Variants in ANKRD46 observed in about 807,000 individuals in gnomAD.
ANKRD46 encodes ankyrin repeat domain-containing protein 46.
Under a neutral mutation model 19.8 loss-of-function variants are expected in ANKRD46, and 13 were observed. That is an observed-to-expected ratio of 0.66 (90% CI 0.43 to 1.04). The LOEUF is 1.04. Ranked by LOEUF, ANKRD46 falls within the 50% of genes least tolerant of loss-of-function variation. ANKRD46 has a pLI of 0.00. For missense variants in ANKRD46, 185 were observed against 274.8 expected, an observed-to-expected ratio of 0.67 and a Z score of 2.31; for synonymous variants, 91 against 106.9, an observed-to-expected ratio of 0.85 and a Z score of 0.92.
rs1238710047 is a variant in ANKRD46 at position 100,543,954 on chromosome 8, T to G, written c.-130-10643A>C. Among the ~76,000 whole-genome samples, 1 of 152,194 alleles carries G rather than the reference T, an allele frequency of 6.6e-6. No homozygotes were observed. Among genetic ancestry groups the G allele is most frequent in the East Asian group, 1.9e-4 (1 of 5,200 alleles). On this transcript the variant is annotated intron_variant, in intron 1 of 4. Coordinates refer to ENST00000335659, the MANE Select transcript of ANKRD46 (RefSeq NM_001270377.2). The surrounding 1 kb of genome is among the most constrained non-coding windows in gnomAD (Gnocchi z 4.2). ...TATTGGATGGTTTCAGGAGTGTAAT[T>G]GAAATCATTTAAAGATTAACCCAAG... is the stretch of plus-strand genomic sequence containing the variant.
downstream of ANKRD46, among the ~76,000 whole-genome samples, chr8:100,516,021 C>A (rs538509425): frequency 1.3e-5 from 2 of 152,118 alleles, no homozygotes; most frequent in Non-Finnish European, 2.9e-5. Context: ...TACAGGCATG[C>A]GCCACCATGC....
downstream of ANKRD46, among the ~76,000 whole-genome samples, chr8:100,519,243 T>C (rs970016526): frequency 5.3e-5 from 8 of 152,356 alleles, no homozygotes; most frequent in African/African-American, 1.7e-4. Flanking sequence ...CATGATATCA[T>C]GTCAGCCAAT....
intron 1 of ANKRD46, among the ~76,000 whole-genome samples, chr8:100,547,757 T>C (rs912342978): frequency 6.6e-6 from 1 of 152,254 alleles, no homozygotes; most frequent in South Asian, 2.1e-4. Flanking sequence ...TCTTTTCTCC[T>C]GACAGTGAAT....
Position 100,511,205 on chromosome 8 carries a change from A to G in ANKRD46, c.637-566T>C, listed in dbSNP as rs1811543684. On this transcript the variant is annotated intron_variant, in intron 5 of 5. Transcript: ENST00000520552. The surrounding 1 kb of genome is among the most constrained non-coding windows in gnomAD (Gnocchi z 4.1). ...GATGAGCTGAGTCAGGAATATCCCCATTGAACAGATGGTGTACCTAAGGCT... is the reference window on the plus strand; with the variant it reads ...GATGAGCTGAGTCAGGAATATCCCCGTTGAACAGATGGTGTACCTAAGGCT... Among the ~76,000 whole-genome samples, 1 of 152,160 alleles carries G rather than the reference A, an allele frequency of 6.6e-6. No homozygotes were observed. The highest frequency in any genetic ancestry group is 1.5e-5 in the Non-Finnish European group (1 of 68,008).
chr8:100,525,592 A>G lies in ANKRD46; in HGVS notation c.470+2253T>C, dbSNP rs1811826544. Among the ~76,000 whole-genome samples the G allele has an allele frequency of 1.3e-5, 2 of 152,176 alleles. No homozygotes were observed. Among genetic ancestry groups the G allele is most frequent in the African/African-American group, 4.8e-5 (2 of 41,440 alleles). ...TAGCATGTATCAGTATAATATAATA[A>G]TATTAGTAATATTCCATTGGATGAA... On this transcript the variant is annotated intron_variant, in intron 4 of 4. Transcript: ENST00000335659. The surrounding 1 kb of genome is among the most constrained non-coding windows in gnomAD (Gnocchi z 4.4).
chr8:100,533,603 C>T (rs1228916394), intron 1 of ANKRD46, among the ~76,000 whole-genome samples: 3 of 152,134 alleles, frequency 2.0e-5, no homozygotes, highest in South Asian at 4.2e-4. Flanking sequence ...AATTGGGCTC[C>T]GAAAATTCAC....
rs1413575165 is a variant in ANKRD46, at chr8:100,543,169, ATAGCT to A, written c.-130-9863_-130-9859del. Among the ~76,000 whole-genome samples the A allele has an allele frequency of 1.3e-5, 2 of 152,224 alleles. No individual in the cohort carries two copies. Among genetic ancestry groups the A allele is most frequent in the Non-Finnish European group, 2.9e-5 (2 of 68,038 alleles). On this transcript the variant is annotated intron_variant, in intron 1 of 4. Coordinates refer to ENST00000335659, the MANE Select transcript of ANKRD46 (RefSeq NM_001270377.2). This position sits in a 1 kb window ranked among gnomAD's most constrained non-coding sequence, Gnocchi z 4.2. Reference sequence around the variant, plus strand: ...CAAAGACTATGGATCTTAAGTTTTAATAGCTACATAGCTCTTCCAGATTTGCTGCT... The same window carrying A: ...CAAAGACTATGGATCTTAAGTTTTAAACATAGCTCTTCCAGATTTGCTGCT...
downstream of ANKRD46, among the ~76,000 whole-genome samples, chr8:100,516,118 C>T (rs936411070): frequency 9.9e-5 from 15 of 152,276 alleles, no homozygotes; most frequent in African/African-American, 2.6e-4. Context: ...GTGATCCACC[C>T]GCCTCGGCCT....
At chr8:100,553,215 AC>A (rs1812428053) in intron 1 of ANKRD46, among the ~76,000 whole-genome samples, 1 of 152,350 alleles carries the variant, frequency 6.6e-6, no homozygotes, top group Admixed American at 6.5e-5. Flanking sequence ...TTGTGGGAAA[AC>A]TTTTATAAGC....
intron 1 of ANKRD46, among the ~76,000 whole-genome samples, chr8:100,549,759 T>G (rs1812344295): frequency 6.6e-6 from 1 of 152,162 alleles, no homozygotes; most frequent in African/African-American, 2.4e-5. Flanking sequence ...TTCTATGGGT[T>G]TAGACAAATT....
In ANKRD46 at chr8:100,548,470, C is replaced by T. The variant is rs140509639; in HGVS notation, c.-131+11241G>A. Among the ~76,000 whole-genome samples the T allele has an allele frequency of 3.3e-3, 508 of 152,256 alleles. 9 individuals carry two copies. The highest frequency in any genetic ancestry group is 0.027 in the Admixed American group (413 of 15,284). On this transcript the variant is annotated intron_variant, in intron 1 of 4. Coordinates refer to ENST00000335659, the MANE Select transcript of ANKRD46 (RefSeq NM_001270377.2). ...TTCACATCACCCTGCTTATTTTGTTCGTGTTCTTATTATAATCTATAATTT... is the reference window on the plus strand; with the variant it reads ...TTCACATCACCCTGCTTATTTTGTTTGTGTTCTTATTATAATCTATAATTT...
intron 1 of ANKRD46, among the ~76,000 whole-genome samples, chr8:100,542,704 C>T (rs978228477): frequency 6.6e-6 from 1 of 152,028 alleles, no homozygotes; most frequent in Non-Finnish European, 1.5e-5. Context: ...TCCCTGCCCC[C>T]AGGTTTTCTA....
chr8:100,532,951 C>T lies in ANKRD46; in HGVS notation c.-28+258G>A, dbSNP rs1333621471. 6.6e-6 allele frequency among the ~76,000 whole-genome samples: 1 copy of T among 152,058 alleles called. No individual in the cohort carries two copies. The highest frequency in any genetic ancestry group is 1.5e-5 in the Non-Finnish European group (1 of 68,016). On this transcript the variant is annotated intron_variant, in intron 2 of 4. Coordinates refer to ENST00000335659, the MANE Select transcript of ANKRD46 (RefSeq NM_001270377.2). This position sits in a 1 kb window ranked among gnomAD's most constrained non-coding sequence, Gnocchi z 4.7. ...TTTTGATTCAGACACAGTAAGAATT[C>T]TTGTGGTTTGCAGACTAGGATACTT... is the stretch of plus-strand genomic sequence containing the variant.
Position 100,527,934 on chromosome 8 carries a change from C to A in ANKRD46, c.381G>T (p.Leu127Phe). ...CCTCCTGTTCTTCCAAAGATTCCAG[C>A]AATCGGATGACATCTTTATTTACTC... Reference protein sequence around the residue: ...RRGVNKDVIRLLESLEEQEVK... With the variant: ...RRGVNKDVIRFLESLEEQEVK... Residue 127 changes from leucine (L) to phenylalanine (F), a missense_variant, in exon 4 of 5, where the codon TTG (leucine) becomes TTT (phenylalanine). By Grantham distance (22) the Leu-to-Phe change is conservative. Transcript: ENST00000335659. The surrounding 1 kb of genome is among the most constrained non-coding windows in gnomAD (Gnocchi z 4.0). 6.2e-7 allele frequency: 1 copy of A among 1,608,940 alleles called. No individual in the cohort carries two copies. The highest frequency in any genetic ancestry group is 8.5e-7 in the Non-Finnish European group (1 of 1,179,410).
Position 100,546,028 on chromosome 8 carries a change from G to A in ANKRD46, c.-130-12717C>T, listed in dbSNP as rs1586799037. On this transcript the variant is annotated intron_variant, in intron 1 of 4. Coordinates refer to ENST00000335659, the MANE Select transcript of ANKRD46 (RefSeq NM_001270377.2). The surrounding 1 kb of genome is among the most constrained non-coding windows in gnomAD (Gnocchi z 4.0). The stretch of plus-strand genomic sequence containing the variant: ...TCTCAAAGTGAACAAATGTGTTCAC[G>A]AAGAGATAATCTGCAATTGGAACTT... Among the ~76,000 whole-genome samples the A allele has an allele frequency of 6.6e-6, 1 of 152,202 alleles. No individual in the cohort carries two copies. The highest frequency in any genetic ancestry group is 2.4e-5 in the African/African-American group (1 of 41,456).
rs1811793068 is a variant in ANKRD46 at position 100,524,374 on chromosome 8, T to C, written c.471-1603A>G. Among the ~76,000 whole-genome samples, 1 of 152,230 alleles carries C rather than the reference T, an allele frequency of 6.6e-6. No individual in the cohort carries two copies. Among genetic ancestry groups the C allele is most frequent in the Non-Finnish European group, 1.5e-5 (1 of 68,040 alleles). ...AATAAACATGCAAAACTGACATTTT[T>C]TAACCTACAACTTTATTTTACTTCT... On this transcript the variant is annotated intron_variant, in intron 4 of 4. Coordinates refer to ENST00000335659, the MANE Select transcript of ANKRD46 (RefSeq NM_001270377.2). The surrounding 1 kb of genome is among the most constrained non-coding windows in gnomAD (Gnocchi z 4.3).
chr8:100,516,711 A>G (rs571312299), downstream of ANKRD46, among the ~76,000 whole-genome samples: 9 of 152,326 alleles, frequency 5.9e-5, no homozygotes, highest in South Asian at 1.7e-3. Flanking sequence ...TACCTGATCA[A>G]TTACGCAACT....
At position 100,534,852 on chromosome 8, in the gene ANKRD46, A is replaced by G. The variant is rs1446569244; in HGVS notation, c.-130-1541T>C. Reference sequence around the variant, plus strand: ...TGGTGCAATCTCGACTCACCTGCAGAGGCCTCCGCGTTCAAGCAATTATCC... The same window carrying G: ...TGGTGCAATCTCGACTCACCTGCAGGGGCCTCCGCGTTCAAGCAATTATCC... On this transcript the variant is annotated intron_variant, in intron 1 of 4. Coordinates refer to ENST00000335659, the MANE Select transcript of ANKRD46 (RefSeq NM_001270377.2). The surrounding 1 kb of genome is among the most constrained non-coding windows in gnomAD (Gnocchi z 4.2). 6.6e-6 allele frequency among the ~76,000 whole-genome samples: 1 copy of G among 152,132 alleles called. No homozygotes were observed. Among genetic ancestry groups the G allele is most frequent in the Non-Finnish European group, 1.5e-5 (1 of 68,018 alleles).
Position 100,529,487 on chromosome 8 carries a change from G to A in ANKRD46, c.311+36C>T. ...TTATCAGTTGAGAGATTAATGGGAA[G>A]AAATGACTAGACTTCTAAAACAACA... On this transcript the variant is annotated intron_variant, in intron 3 of 4. Transcript: ENST00000335659. This position sits in a 1 kb window ranked among gnomAD's most constrained non-coding sequence, Gnocchi z 5.8. 3 of 1,570,156 alleles carry A rather than the reference G, an allele frequency of 1.9e-6. No homozygotes were observed. The highest frequency in any genetic ancestry group is 2.6e-6 in the Non-Finnish European group (3 of 1,153,512).
Sources: gnomAD v4.1 joint callset for allele counts (sites outside exome capture counted in the v4.1 genomes callset) on GRCh38, gnomAD v4.1.1 for gene constraint, Gnocchi (gnomAD v3.1) non-coding constraint, MANE v1.5 for transcripts, NCBI Gene and HGNC (gene_info 2026-07-23, HGNC 2026-07-21) for gene names.